MACF1: variants seen among roughly 807,000 people sequenced by gnomAD.
MACF1 encodes the protein microtubule-actin cross-linking factor 1.
MACF1 carries 193 observed loss-of-function variants against 854.8 expected under a neutral mutation model. That is an observed-to-expected ratio of 0.23 (90% confidence interval 0.20 to 0.25). The LOEUF is 0.25. Among genes scored for constraint, MACF1 ranks in the 10% least tolerant of loss-of-function variants. The probability of loss-of-function intolerance (pLI) is 1.00; values close to 1 mark genes in which losing one functional copy is unlikely to be tolerated. For synonymous variants in MACF1, 3,185 were observed against 3,226.7 expected (o/e 0.99, Z 0.44); for missense variants, 7,722 against 8,929.1 (o/e 0.86, Z 5.45).
In MACF1 at chr1:39,379,183, T is replaced by C. The variant is rs1268371155; in HGVS notation, c.13277-20T>C. ...CTCGAAGAGCTGTCTCCAATCTGAT[T>C]TCTGTTTCTATGATACTAGATCTGA... is the stretch of plus-strand genomic sequence containing the variant. On this transcript the variant is annotated intron_variant, in intron 53 of 100. Coordinates refer to ENST00000564288, the MANE Select transcript of MACF1 (RefSeq NM_001394062.1). 1 of 1,548,402 alleles carries C rather than the reference T, an allele frequency of 6.5e-7. No individual in the cohort carries two copies. Among genetic ancestry groups the C allele is most frequent in the Admixed American group, 2.0e-5 (1 of 50,024 alleles).
At chr1:39,381,268 G>C (rs1650169993) in intron 55 of MACF1, among the ~76,000 whole-genome samples, 1 of 151,304 alleles carries the variant, frequency 6.6e-6, no homozygotes, top group South Asian at 2.1e-4. Context: ...TGTTGGTCAG[G>C]CTGGTCTCGA....
chr1:39,293,738 G>A, intron 18 of MACF1, 119 bp downstream of exon 18: 1 of 901,004 alleles, frequency 1.1e-6, no homozygotes, highest in Non-Finnish European at 1.7e-6. Context: ...AGAAATAGGG[G>A]CCCTACTCAA....
At chr1:39,427,357 T>C in intron 61 of MACF1, 98 bp from the exon 62 acceptor site, 1 of 1,046,176 alleles carries the variant, frequency 9.6e-7, no homozygotes, top group Non-Finnish European at 1.4e-6. Flanking sequence ...GTATTTAAAC[T>C]ATACCTGGAA....
At chr1:39,426,526 T>G (rs888076493) in intron 61 of MACF1, among the ~76,000 whole-genome samples, 7 of 152,242 alleles carry the variant, frequency 4.6e-5, no homozygotes, top group African/African-American at 1.7e-4. Flanking sequence ...GTGGTTGTTT[T>G]CTTGTCTGTT....
In MACF1 at chr1:39,309,423, C is replaced by T. The variant is rs150087864; in HGVS notation, c.2790-147C>T. ...TCAATTAATTTAGTTCTAAAAATTC[C>T]TGAGATGCTAGTATTTGACTTGTTG... On this transcript the variant is annotated intron_variant, in intron 23 of 100. Coordinates refer to ENST00000564288, the MANE Select transcript of MACF1 (RefSeq NM_001394062.1). 6.0e-5 allele frequency: 54 copies of T among 893,892 alleles called. No homozygotes were observed. In the African/African-American group the frequency reaches 8.3e-4, roughly 14 times the overall value. The allele number at this position is 893,892 out of a possible 1,614,324, so 55.4% of individuals were successfully genotyped here.
Position 39,401,102 on chromosome 1 carries a change from C to T in MACF1, c.15816+12444C>T, listed in dbSNP as rs566708609. ...CAGCTTAAAATATATTTTATGTACA[C>T]ATACATATACATACATATTTATTTA... On this transcript the variant is annotated intron_variant, in intron 58 of 100. Coordinates refer to ENST00000564288, the MANE Select transcript of MACF1 (RefSeq NM_001394062.1). 2.6e-5 allele frequency among the ~76,000 whole-genome samples: 4 copies of T among 152,292 alleles called. No individual in the cohort carries two copies. The South Asian group carries it at 8.3e-4, about 32-fold the overall frequency.
chr1:39,230,287 C>T (rs959313526), intron 1 of MACF1, among the ~76,000 whole-genome samples: 5 of 152,066 alleles, frequency 3.3e-5, no homozygotes, highest in South Asian at 2.1e-4. Flanking sequence ...TATATCTTCA[C>T]GTATATGTAG....
chr1:39,305,710 G>C (rs747294703), intron 23 of MACF1, among the ~76,000 whole-genome samples: 11 of 152,150 alleles, frequency 7.2e-5, no homozygotes, highest in Non-Finnish European at 1.5e-5. Flanking sequence ...TTACCTCTCT[G>C]AACTCATCCT....
At chr1:39,136,639 AG>A (rs1459325513) in intron 2 of MACF1, among the ~76,000 whole-genome samples, 1 of 152,178 alleles carries the variant, frequency 6.6e-6, no homozygotes, top group Non-Finnish European at 1.5e-5. Flanking sequence ...TCCAATGCCT[AG>A]AGACCAGTTG....
chr1:39,285,161 A>G lies in MACF1; in HGVS notation c.1210A>G (p.Ile404Val), dbSNP rs1645618883. Residue 404 changes from isoleucine to valine, a missense_variant, in exon 12 of 101, where the codon ATC becomes GTC. By Grantham distance (29) the Ile-to-Val change is conservative. Around this residue, in one of 15 missense-constraint regions of MACF1, gnomAD observed 1,137 missense variants for 1,263.0 expected, o/e 0.90. Transcript: ENST00000564288. ...TGTGGAAGAAGAGTGGGGAAAGCTC[A>G]TCATAGAGATGCTGGAACGAGAGAA... ...NDVEEEWGKLIIEMLEREKSL... is the reference protein window; with the variant it reads ...NDVEEEWGKLVIEMLEREKSL... 1 of 1,613,836 alleles carries G rather than the reference A, an allele frequency of 6.2e-7. No individual in the cohort carries two copies. Among genetic ancestry groups the G allele is most frequent in the Non-Finnish European group, 8.5e-7 (1 of 1,179,816 alleles).
intron 26 of MACF1, 61 bp from the exon 27 acceptor site, chr1:39,315,452 T>G: frequency 1.3e-6 from 2 of 1,528,200 alleles, no homozygotes; most frequent in East Asian, 4.5e-5. Context: ...AAATGTGGAC[T>G]TCTTTCTACC....
chr1:39,259,669 C>T (rs1645136825), intron 6 of MACF1, among the ~76,000 whole-genome samples: 1 of 151,618 alleles, frequency 6.6e-6, no homozygotes, highest in Non-Finnish European at 1.5e-5. Flanking sequence ...GTTGCCCGGG[C>T]TAGAGTGCAA....
intron 40 of MACF1, among the ~76,000 whole-genome samples, chr1:39,346,091 T>C (rs1231737908): frequency 2.9e-5 from 4 of 139,956 alleles, no homozygotes; most frequent in Admixed American, 2.2e-4. Flanking sequence ...AGGCCAGGCA[T>C]GGTGGCTCAC....
At chr1:39,320,690 A>C (rs1646497647) in intron 31 of MACF1, among the ~76,000 whole-genome samples, 1 of 152,206 alleles carries the variant, frequency 6.6e-6, no homozygotes, top group South Asian at 2.1e-4. Context: ...ACTTGAGGCC[A>C]GGTGTGGTGG....
chr1:39,327,332 G>A lies in MACF1; in HGVS notation c.4593G>A (p.Leu1531=), dbSNP rs1394763531. Residue 1531 remains leucine (L), a synonymous_variant, in exon 36 of 101, where the codon TTG becomes TTA. Transcript: ENST00000564288. ...AGCTTCAGCAGCTTCAGAGCCAGTT[G>A]GCTCACCAGACAGAACAAAAGGTAC... ...ANQLQQLQSQ[L]AHQTEQKECR... 4 of 1,604,422 alleles carry A rather than the reference G, an allele frequency of 2.5e-6. No homozygotes were observed. In the South Asian group the frequency reaches 4.4e-5, roughly 18 times the overall value.
intron 99 of MACF1, among the ~76,000 whole-genome samples, chr1:39,483,113 CA>C (rs1031795132): frequency 5.7e-5 from 5 of 88,372 alleles, no homozygotes; most frequent in Admixed American, 1.2e-4. Context: ...AAAAAAAAAA[CA>C]CCCACACATT....
intron 74 of MACF1, 93 bp from the exon 75 acceptor site, chr1:39,441,859 T>A (rs1644125807): frequency 1.1e-6 from 1 of 915,822 alleles, no homozygotes; most frequent in Non-Finnish European, 1.8e-6. Context: ...GTGCTTTGAT[T>A]GATTTATGTC....
At chr1:39,356,956 A>G (rs182918960) in intron 44 of MACF1, among the ~76,000 whole-genome samples, 2 of 152,354 alleles carry the variant, frequency 1.3e-5, no homozygotes, top group Admixed American at 6.5e-5. Context: ...ATAAAGTCCT[A>G]TACGTGTCAG....
intron 1 of MACF1, among the ~76,000 whole-genome samples, chr1:39,225,917 C>A (rs139762299): frequency 6.6e-6 from 1 of 152,260 alleles, no homozygotes; most frequent in East Asian, 1.9e-4. Flanking sequence ...TGAAGGTCAG[C>A]ATAATTCTTA....
Sources: gnomAD v4.1 joint callset for allele counts (sites outside exome capture counted in the v4.1 genomes callset) on GRCh38, gnomAD v4.1.1 for gene constraint, gnomAD v4.1.1 regional missense constraint, MANE v1.5 for transcripts, NCBI Gene and HGNC (gene_info 2026-07-23, HGNC 2026-07-21) for gene names.